Variants in ECT2L observed in about 807,000 individuals in gnomAD.
The protein encoded by ECT2L is epithelial cell-transforming sequence 2 oncogene-like.
Under a neutral mutation model 122.8 loss-of-function variants are expected in ECT2L, and 126 were observed. The ratio of observed to expected loss-of-function variants is 1.03; its 90% confidence interval spans 0.89 to 1.19. The LOEUF (loss-of-function observed/expected upper bound fraction) is 1.19. Among genes scored for constraint, ECT2L ranks in the 50% most tolerant of loss-of-function variants. The pLI is 0.00. For synonymous variants in ECT2L, 385 were observed against 381.8 expected (o/e 1.01, Z -0.10); for missense variants, 1,012 against 1,064.1 (o/e 0.95, Z 0.68).
intron 4 of ECT2L, among the ~76,000 whole-genome samples, chr6:138,830,779 G>A (rs907613412): frequency 2.6e-5 from 4 of 152,048 alleles, no homozygotes; most frequent in Admixed American, 1.3e-4. Context: ...TCTACATGTC[G>A]TTAAATGTGG....
rs780685844 is a variant in ECT2L, at chr6:138,885,820, A to T, written c.2249A>T (p.Tyr750Phe). The change falls in exon 18 of 22, where the codon TAT becomes TTT. Residue 750 changes from tyrosine (Y) to phenylalanine (F), a missense_variant. Tyr to Phe is a conservative substitution (Grantham distance 22). Transcript: ENST00000541398. ...GACCAAATCAAAAAATATAAAGGTTATATAGATCAGGTTGGTTGCTGATAA... is the reference window on the plus strand; with the variant it reads ...GACCAAATCAAAAAATATAAAGGTTTTATAGATCAGGTTGGTTGCTGATAA... ...AIDQIKKYKG[Y>F]IDQMKQNITM... The T allele has an allele frequency of 6.2e-7, 1 of 1,613,528 alleles. No individual in the cohort carries two copies. The highest frequency in any genetic ancestry group is 8.5e-7 in the Non-Finnish European group (1 of 1,179,776).
rs139593696 is a variant in ECT2L at position 138,858,977 on chromosome 6, G to A, written c.1199-3650G>A. ...CCTTCCTCAGCCTGCTGGGATCACAGGTGTGCACCATCCCGCCTGGCCTAG... is the reference window on the plus strand; with the variant it reads ...CCTTCCTCAGCCTGCTGGGATCACAAGTGTGCACCATCCCGCCTGGCCTAG... On this transcript the variant is annotated intron_variant, in intron 10 of 21. Transcript: ENST00000541398. Among the ~76,000 whole-genome samples, 190 of 152,026 alleles carry A rather than the reference G, an allele frequency of 1.2e-3. 1 individual carries two copies. Among genetic ancestry groups the A allele is most frequent in the Non-Finnish European group, 2.1e-3 (144 of 67,978 alleles).
intron 4 of ECT2L, among the ~76,000 whole-genome samples, chr6:138,835,270 C>T (rs1033245814): frequency 6.6e-6 from 1 of 152,058 alleles, no homozygotes; most frequent in African/African-American, 2.4e-5. Context: ...TAGTTATGGC[C>T]AGGCGCAGTG....
chr6:138,886,809 A>G, intron 18 of ECT2L, 48 bp from the exon 19 acceptor site: 1 of 1,325,666 alleles, frequency 7.5e-7, no homozygotes, highest in South Asian at 1.2e-5. Context: ...TTTTATGAAT[A>G]AAAATGTCAC....
chr6:138,799,069 C>T lies in ECT2L; in HGVS notation c.-244+2877C>T, dbSNP rs537705155. ...GAGTCTCTCTGAATCTGCTGTGATT[C>T]TGGGAGCTGCCTGATTCACGAATCG... On this transcript the variant is annotated intron_variant, in intron 1 of 21. Coordinates refer to ENST00000541398, the MANE Select transcript of ECT2L (RefSeq NM_001077706.3). Among the ~76,000 whole-genome samples, 23 of 152,328 alleles carry T rather than the reference C, an allele frequency of 1.5e-4. No homozygotes were observed. In the South Asian group the frequency reaches 4.8e-3, roughly 32 times the overall value.
At chr6:138,871,942 GC>G (rs1178743426) in intron 13 of ECT2L, among the ~76,000 whole-genome samples, 1 of 151,798 alleles carries the variant, frequency 6.6e-6, no homozygotes, top group Non-Finnish European at 1.5e-5. Flanking sequence ...CCAAACACAA[GC>G]AACTCCCTGA....
At chr6:138,832,751 G>GT (rs201082126) in intron 4 of ECT2L, among the ~76,000 whole-genome samples, 13,301 of 149,856 alleles carry the variant, frequency 0.089, 586 homozygotes, top group East Asian at 0.11. Context: ...TTTTTTTGTT[G>GT]TTTTTTTTTT....
intron 1 of ECT2L, among the ~76,000 whole-genome samples, chr6:138,803,268 G>A (rs1462807406): frequency 6.7e-6 from 1 of 149,842 alleles, no homozygotes; most frequent in Non-Finnish European, 1.5e-5. Context: ...AAAAAAAAAG[G>A]AAAGAGAAAA....
chr6:138,859,902 C>T (rs2128397993), intron 10 of ECT2L, among the ~76,000 whole-genome samples: 1 of 151,866 alleles, frequency 6.6e-6, no homozygotes, highest in South Asian at 2.1e-4. Flanking sequence ...GCAACTTCTG[C>T]CTCCCAGGTT....
chr6:138,813,305 T>C lies in ECT2L; in HGVS notation c.31T>C (p.Trp11Arg), dbSNP rs1216466761. The change falls in exon 3 of 22, where the codon TGG becomes CGG. Residue 11 changes from tryptophan (W) to arginine (R), a missense_variant. Coordinates refer to ENST00000541398, the MANE Select transcript of ECT2L (RefSeq NM_001077706.3). The part of the protein sequence containing the change: MESFHTRFSA[W>R]TPFSNKSLNR... ...GAGCTTCCACACCAGATTTAGTGCC[T>C]GGACACCTTTTAGCAACAAGTCATT... 3.7e-6 allele frequency: 6 copies of C among 1,612,414 alleles called. No homozygotes were observed. The highest frequency in any genetic ancestry group is 2.5e-6 in the Non-Finnish European group (3 of 1,179,652).
chr6:138,863,668 G>T (rs1475179132), intron 11 of ECT2L, among the ~76,000 whole-genome samples: 1 of 150,960 alleles, frequency 6.6e-6, no homozygotes, highest in Non-Finnish European at 1.5e-5. Context: ...GGAGTGCAGC[G>T]GCACGTTCTC....
chr6:138,897,953 C>G (rs1365297005), intron 20 of ECT2L, among the ~76,000 whole-genome samples: 1 of 152,140 alleles, frequency 6.6e-6, no homozygotes, highest in South Asian at 2.1e-4. Context: ...TCAAAGCACT[C>G]TGTTGGCATA....
At chr6:138,823,397 G>A in intron 4 of ECT2L, 1 of 1,608,160 alleles carries the variant, frequency 6.2e-7, no homozygotes, top group Non-Finnish European at 8.5e-7. Flanking sequence ...TTATTATGGG[G>A]GTGTGCTACT....
chr6:138,864,471 ACTTT>A (rs1224791280), intron 11 of ECT2L, among the ~76,000 whole-genome samples: 1 of 152,204 alleles, frequency 6.6e-6, no homozygotes, highest in Non-Finnish European at 1.5e-5. Flanking sequence ...AAGAAGAGAA[ACTTT>A]CTTTAAGCAC....
At chr6:138,885,096 T>C (rs1015812830) in intron 16 of ECT2L, among the ~76,000 whole-genome samples, 1 of 150,114 alleles carries the variant, frequency 6.7e-6, no homozygotes, top group Non-Finnish European at 1.5e-5. Context: ...TGGCGCTATC[T>C]TGGATCACTG....
intron 13 of ECT2L, among the ~76,000 whole-genome samples, chr6:138,875,644 GAAGA>G (rs943372592): frequency 6.6e-6 from 1 of 152,252 alleles, no homozygotes; most frequent in Non-Finnish European, 1.5e-5. Context: ...AAGGTAAAGT[GAAGA>G]AAGAATAAGC....
chr6:138,825,189 G>A (rs1473330919), intron 4 of ECT2L, among the ~76,000 whole-genome samples: 1 of 152,196 alleles, frequency 6.6e-6, no homozygotes, highest in Admixed American at 6.5e-5. Flanking sequence ...AAGACTCAGA[G>A]AATGACTGTT....
At chr6:138,851,631 T>C (rs187610812) in intron 9 of ECT2L, among the ~76,000 whole-genome samples, 4 of 152,244 alleles carry the variant, frequency 2.6e-5, no homozygotes, top group African/African-American at 9.6e-5. Context: ...CAGAGAAATG[T>C]CTATTCAAGT....
At chr6:138,854,295 C>T in intron 10 of ECT2L, 141 bp downstream of exon 10, 1 of 1,047,310 alleles carries the variant, frequency 9.5e-7, no homozygotes, top group Admixed American at 2.5e-5. Context: ...CTTCACATAT[C>T]CAGGTATTTC....
Sources: allele counts gnomAD v4.1 joint callset (sites outside exome capture counted in the v4.1 genomes callset), GRCh38; gene constraint gnomAD v4.1.1; transcripts MANE v1.5; gene names NCBI Gene and HGNC (gene_info 2026-07-23, HGNC 2026-07-21).